CRACR2A: variants seen among roughly 807,000 people sequenced by gnomAD.
CRACR2A encodes calcium release activated channel regulator 2A.
CRACR2A carries 79 observed loss-of-function variants against 90.5 expected under a neutral mutation model. The ratio of observed to expected loss-of-function variants is 0.87; its 90% CI spans 0.73 to 1.05. The LOEUF is 1.05. Among genes scored for constraint, CRACR2A ranks in the 50% least tolerant of loss-of-function variants. CRACR2A has a pLI of 0.00. For missense variants in CRACR2A, 823 were observed against 897.2 expected, an observed-to-expected ratio of 0.92 and a Z score of 1.06; for synonymous variants, 338 against 356.7, an observed-to-expected ratio of 0.95 and a Z score of 0.59.
chr12:3,629,995 G>T (rs927958195), intron 15 of CRACR2A, among the ~76,000 whole-genome samples: 1 of 152,136 alleles, frequency 6.6e-6, no homozygotes, highest in Non-Finnish European at 1.5e-5. Flanking sequence ...AATCCCAGGA[G>T]TCAGGAGACC....
chr12:3,631,000 A>G (rs1944366438), intron 15 of CRACR2A, among the ~76,000 whole-genome samples: 1 of 152,196 alleles, frequency 6.6e-6, no homozygotes, highest in African/African-American at 2.4e-5. Context: ...GATGGGCTGG[A>G]GCCCTGTTCT....
intron 19 of CRACR2A, 65 bp downstream of exon 19, chr12:3,616,889 G>T: frequency 1.6e-6 from 2 of 1,288,876 alleles, no homozygotes; most frequent in Non-Finnish European, 2.2e-6. Flanking sequence ...GAAACACGGT[G>T]CCTCCCTGAA....
chr12:3,644,788 A>G (rs1944655707), intron 11 of CRACR2A, 148 bp from the exon 12 acceptor site: 8 of 743,686 alleles, frequency 1.1e-5, no homozygotes, highest in Non-Finnish European at 1.7e-5. Flanking sequence ...TAGGGATGTG[A>G]TTAATGGTAG....
chr12:3,747,757 G>A (rs554601004), intron 1 of CRACR2A, among the ~76,000 whole-genome samples: 1 of 152,238 alleles, frequency 6.6e-6, no homozygotes, highest in Non-Finnish European at 1.5e-5. Flanking sequence ...GTTCCGGGAG[G>A]AGGGCAGCCA....
At chr12:3,640,595 C>T in intron 13 of CRACR2A, 6 of 1,296,954 alleles carry the variant, frequency 4.6e-6, no homozygotes, top group Middle Eastern at 2.1e-4. Context: ...AATTGTATCT[C>T]ATTATTCAGC....
chr12:3,663,659 C>T (rs1366299894), intron 7 of CRACR2A, among the ~76,000 whole-genome samples: 4 of 152,216 alleles, frequency 2.6e-5, no homozygotes, highest in African/African-American at 4.8e-5. Context: ...TCTCAAGCCA[C>T]GGCAGTGCCA....
chr12:3,730,574 G>A (rs912730234), intron 2 of CRACR2A: 1 of 152,186 alleles, frequency 6.6e-6, no homozygotes, highest in Non-Finnish European at 1.5e-5. Flanking sequence ...ATCAGTAGGG[G>A]ATTGCTAAAT....
chr12:3,707,524 T>A (rs1376277288), intron 3 of CRACR2A, among the ~76,000 whole-genome samples: 1 of 152,248 alleles, frequency 6.6e-6, no homozygotes, highest in Non-Finnish European at 1.5e-5. Context: ...TATGATTAGC[T>A]TTCCAATATT....
intron 17 of CRACR2A, among the ~76,000 whole-genome samples, chr12:3,621,671 A>AAAAAAAAAAAAAAAAAAAAAAAAAC (rs1301625787): frequency 4.8e-5 from 7 of 145,390 alleles, no homozygotes; most frequent in Non-Finnish European, 9.0e-5. Context: ...AAAAAAAAAA[A>AAAAAAAAAAAAAAAAAAAAAAAAAC]AAAAAAAAAA....
chr12:3,687,696 T>C (rs1406948444), intron 4 of CRACR2A, among the ~76,000 whole-genome samples: 1 of 152,224 alleles, frequency 6.6e-6, no homozygotes, highest in Non-Finnish European at 1.5e-5. Context: ...TCTATTCCTT[T>C]GGGTATATAC....
At chr12:3,672,387 AG>A (rs1414302618) in intron 7 of CRACR2A, among the ~76,000 whole-genome samples, 1 of 152,250 alleles carries the variant, frequency 6.6e-6, no homozygotes, top group East Asian at 1.9e-4. Context: ...ATGGAGGAGC[AG>A]GTGGTCTGTG....
chr12:3,717,889 G>A (rs1565500104), intron 2 of CRACR2A, among the ~76,000 whole-genome samples: 1 of 152,104 alleles, frequency 6.6e-6, no homozygotes, highest in Non-Finnish European at 1.5e-5. Flanking sequence ...TTGAATGGAT[G>A]AAGAGAGCCT....
chr12:3,700,043 C>T (rs1393883781), intron 3 of CRACR2A, among the ~76,000 whole-genome samples: 1 of 152,118 alleles, frequency 6.6e-6, no homozygotes, highest in Non-Finnish European at 1.5e-5. Context: ...AGACACTAGA[C>T]ACCAGGAATG....
chr12:3,721,101 G>A (rs547733398), intron 2 of CRACR2A, among the ~76,000 whole-genome samples: 4 of 152,144 alleles, frequency 2.6e-5, no homozygotes, highest in Non-Finnish European at 4.4e-5. Flanking sequence ...TAAGCAGCAC[G>A]CACCAGCACA....
chr12:3,624,975 G>C (rs1489527323), intron 17 of CRACR2A, among the ~76,000 whole-genome samples: 1 of 150,460 alleles, frequency 6.6e-6, no homozygotes, highest in African/African-American at 2.4e-5. Context: ...CTCTGGGAGA[G>C]AAGGCCCTGG....
At chr12:3,743,593 C>A (rs888546534) in intron 1 of CRACR2A, among the ~76,000 whole-genome samples, 5 of 152,152 alleles carry the variant, frequency 3.3e-5, no homozygotes, top group Non-Finnish European at 5.9e-5. Flanking sequence ...CTGGTGTGAA[C>A]CCACACAAGT....
chr12:3,692,733 T>C (rs1945670873), intron 4 of CRACR2A, among the ~76,000 whole-genome samples: 1 of 151,984 alleles, frequency 6.6e-6, no homozygotes, highest in Non-Finnish European at 1.5e-5. Flanking sequence ...GTGTGGGTGT[T>C]CAGTACAGTA....
At chr12:3,721,786 G>T (rs1946181997) in intron 2 of CRACR2A, among the ~76,000 whole-genome samples, 1 of 152,110 alleles carries the variant, frequency 6.6e-6, no homozygotes. Context: ...TTGGGTTTAT[G>T]GGTGATTTTT....
At chr12:3,642,172 T>C (rs961302313) in intron 12 of CRACR2A, among the ~76,000 whole-genome samples, 1 of 152,180 alleles carries the variant, frequency 6.6e-6, no homozygotes, top group African/African-American at 2.4e-5. Flanking sequence ...TACATATTTC[T>C]AATGCATCTA....
Sources: gnomAD v4.1 joint callset for allele counts (sites outside exome capture counted in the v4.1 genomes callset) on GRCh38, gnomAD v4.1.1 for gene constraint, MANE v1.5 for transcripts, NCBI Gene and HGNC (gene_info 2026-07-23, HGNC 2026-07-21) for gene names.